Variants in TCF12 observed in about 807,000 individuals in gnomAD.
TCF12 encodes the protein transcription factor 12.
Under a neutral mutation model 86.0 loss-of-function variants are expected in TCF12, and 45 were observed. That is an observed-to-expected ratio of 0.52 (90% confidence interval 0.41 to 0.67). The LOEUF is 0.67. Ranked by LOEUF, TCF12 falls within the 30% of genes least tolerant of loss-of-function variation. The pLI is 0.00. For synonymous variants in TCF12, 330 were observed against 299.6 expected (o/e 1.10, Z -1.05); for missense variants, 881 against 859.9 (o/e 1.02, Z -0.31).
chr15:57,170,752 T>TAA (rs1567559580), intron 6 of TCF12, among the ~76,000 whole-genome samples: 1 of 35,504 alleles, frequency 2.8e-5, no homozygotes, highest in African/African-American at 1.1e-4. Context: ...ATATTATATA[T>TAA]TATATATTAT....
At chr15:56,989,310 C>A (rs112081416) in intron 3 of TCF12, among the ~76,000 whole-genome samples, 1,772 of 152,256 alleles carry the variant, frequency 0.012, 35 homozygotes, top group African/African-American at 0.04. Context: ...TCTTGACCTG[C>A]AAAGCCTAAG....
intron 19 of TCF12, among the ~76,000 whole-genome samples, chr15:57,275,057 A>C (rs562600454): frequency 2.6e-4 from 39 of 152,264 alleles, no homozygotes; most frequent in African/African-American, 9.1e-4. Flanking sequence ...AGAAAATATG[A>C]GTCTGAGAGA....
intron 12 of TCF12, among the ~76,000 whole-genome samples, chr15:57,235,460 G>A (rs1421386373): frequency 1.3e-5 from 2 of 152,190 alleles, no homozygotes; most frequent in Admixed American, 6.5e-5. Context: ...ACCAGCTTCA[G>A]ACTCTGCTCC....
At chr15:56,977,557 GTGTGTGTA>G (rs1227107174) in intron 3 of TCF12, among the ~76,000 whole-genome samples, 9 of 149,792 alleles carry the variant, frequency 6.0e-5, no homozygotes, top group Admixed American at 4.2e-4. Context: ...GTGTGTGTGT[GTGTGTGTA>G]TGTATGTGTG....
intron 5 of TCF12, among the ~76,000 whole-genome samples, chr15:57,140,048 C>A (rs1368359766): frequency 9.2e-5 from 14 of 152,152 alleles, no homozygotes; most frequent in Non-Finnish European, 1.2e-4. Context: ...AGTATTACTT[C>A]CAGGTACATA....
chr15:57,071,352 A>G lies in TCF12; in HGVS notation c.222+7529A>G, dbSNP rs937045451. ...ACATGAACCCAGGGGTTGAGGTTGT[A>G]GTGAAGAAAAAAAAAAAGTTGCTGG... On this transcript the variant is annotated intron_variant, in intron 4 of 20. Transcript: ENST00000333725. Among the ~76,000 whole-genome samples the G allele has an allele frequency of 2.6e-5, 4 of 151,946 alleles. No homozygotes were observed. In the South Asian group the frequency reaches 8.3e-4, roughly 32 times the overall value.
chr15:57,007,696 C>T (rs1352542170), intron 3 of TCF12, among the ~76,000 whole-genome samples: 4 of 151,854 alleles, frequency 2.6e-5, no homozygotes, highest in East Asian at 1.9e-4. Context: ...TCTGAGATGC[C>T]GACAGATTGA....
At chr15:57,029,252 G>C (rs1265847682) in intron 3 of TCF12, among the ~76,000 whole-genome samples, 2 of 150,768 alleles carry the variant, frequency 1.3e-5, no homozygotes, top group South Asian at 2.1e-4. Flanking sequence ...TTTTTTTTTG[G>C]TGCCTTAGTT....
chr15:56,924,279 CTG>C (rs1163707337), intron 3 of TCF12, among the ~76,000 whole-genome samples: 1 of 152,136 alleles, frequency 6.6e-6, no homozygotes, highest in Non-Finnish European at 1.5e-5. Flanking sequence ...GATGCAAAAA[CTG>C]TTCTGTCACC....
chr15:57,048,167 T>C (rs912036874), intron 3 of TCF12, among the ~76,000 whole-genome samples: 2 of 152,250 alleles, frequency 1.3e-5, no homozygotes. Context: ...ATAAATTTAA[T>C]TAATTTCCTG....
At chr15:57,099,701 C>G (rs1275223580) in intron 5 of TCF12, among the ~76,000 whole-genome samples, 2 of 152,058 alleles carry the variant, frequency 1.3e-5, no homozygotes, top group Non-Finnish European at 2.9e-5. Context: ...TTAAATGGCT[C>G]TTTAACACCT....
In TCF12 at chr15:56,962,082, G is replaced by A. The variant is rs1202675765; in HGVS notation, c.148+40984G>A. 1.5e-4 allele frequency among the ~76,000 whole-genome samples: 22 copies of A among 147,256 alleles called. No homozygotes were observed. In the South Asian group the frequency reaches 3.4e-3, roughly 23 times the overall value. On this transcript the variant is annotated intron_variant, in intron 3 of 20. Transcript: ENST00000333725. Reference sequence around the variant, plus strand: ...CGGGAGGCGGAGCTTGCAGTGAGCCGAGACTGCGCCACTGTACTCCAGCCT... The same window carrying A: ...CGGGAGGCGGAGCTTGCAGTGAGCCAAGACTGCGCCACTGTACTCCAGCCT...
chr15:57,022,670 T>A (rs2141265552), intron 3 of TCF12, among the ~76,000 whole-genome samples: 1 of 152,304 alleles, frequency 6.6e-6, no homozygotes, highest in Non-Finnish European at 1.5e-5. Flanking sequence ...TTGAGCTAAT[T>A]TACACTCCCA....
intron 16 of TCF12, 106 bp downstream of exon 16, chr15:57,253,574 C>CT: frequency 7.5e-7 from 1 of 1,341,652 alleles, no homozygotes; most frequent in East Asian, 2.5e-5. Flanking sequence ...AAGGCAAAGA[C>CT]TGACTTTTCA....
intron 3 of TCF12, among the ~76,000 whole-genome samples, chr15:57,007,802 CTT>C (rs760842955): frequency 1.7e-5 from 2 of 121,024 alleles, no homozygotes; most frequent in African/African-American, 5.7e-5. Context: ...CTCTTTCTTT[CTT>C]TCTTTCTTTC....
intron 4 of TCF12, among the ~76,000 whole-genome samples, chr15:57,078,043 C>T (rs1197694189): frequency 3.3e-5 from 5 of 152,210 alleles, no homozygotes; most frequent in African/African-American, 7.2e-5. Context: ...AGTGCTGGTA[C>T]GTAGTATGTA....
At chr15:56,972,139 A>C (rs1417155903) in intron 3 of TCF12, among the ~76,000 whole-genome samples, 6 of 152,210 alleles carry the variant, frequency 3.9e-5, no homozygotes, top group Admixed American at 2.0e-4. Flanking sequence ...TTTATGGCTC[A>C]AAACGTTTTT....
intron 3 of TCF12, among the ~76,000 whole-genome samples, chr15:56,983,211 C>T (rs1371271952): frequency 6.6e-6 from 1 of 152,166 alleles, no homozygotes; most frequent in Non-Finnish European, 1.5e-5. Context: ...TCTTTGACTG[C>T]TGCTGCTGCC....
At chr15:57,129,823 C>CAA (rs2051967721) in intron 5 of TCF12, 15 of 152,190 alleles carry the variant, frequency 9.9e-5, no homozygotes, top group Non-Finnish European at 2.2e-4. Flanking sequence ...AGAAGACATA[C>CAA]AAGTAATTCA....
Sources: allele counts gnomAD v4.1 joint callset (sites outside exome capture counted in the v4.1 genomes callset), GRCh38; gene constraint gnomAD v4.1.1; transcripts MANE v1.5; gene names NCBI Gene and HGNC (gene_info 2026-07-23, HGNC 2026-07-21).